SDK1: variants seen among roughly 807,000 people sequenced by gnomAD.
SDK1 encodes the protein protein sidekick-1.
In SDK1, 157 loss-of-function variants were observed where a neutral mutation model predicts 245.5. The observed-to-expected ratio is 0.64, with a 90% CI of 0.56 to 0.73. The LOEUF (loss-of-function observed/expected upper bound fraction) is 0.73, where lower values mean the gene tolerates loss of function less well. Among genes scored for constraint, SDK1 ranks in the 30% least tolerant of loss-of-function variants. SDK1 has a pLI of 0.00. For synonymous variants in SDK1, 1,647 were observed against 1,278.5 expected (o/e 1.29, Z -6.15); for missense variants, 3,583 against 3,002.3 (o/e 1.19, Z -4.52).
At chr7:3,570,515 C>T (rs1402759435) in intron 1 of SDK1, among the ~76,000 whole-genome samples, 2 of 152,146 alleles carry the variant, frequency 1.3e-5, no homozygotes, top group Non-Finnish European at 2.9e-5. Flanking sequence ...GGATCCCTTT[C>T]CCCCAACTCT....
At chr7:3,725,440 G>A (rs538748052) in intron 4 of SDK1, among the ~76,000 whole-genome samples, 1 of 151,962 alleles carries the variant, frequency 6.6e-6, no homozygotes. Flanking sequence ...GTGTAGGTTT[G>A]ATAAATTTCA....
chr7:4,101,208 G>C (rs1432372736), intron 22 of SDK1, among the ~76,000 whole-genome samples: 1 of 151,516 alleles, frequency 6.6e-6, no homozygotes, highest in Non-Finnish European at 1.5e-5. Flanking sequence ...GAGTGCAGTG[G>C]TGCGATCTCG....
At chr7:4,051,256 T>C (rs2128166605) in intron 18 of SDK1, among the ~76,000 whole-genome samples, 1 of 144,014 alleles carries the variant, frequency 6.9e-6, no homozygotes, top group South Asian at 2.1e-4. Context: ...AGGTTGTATA[T>C]AATATATATA....
At chr7:4,161,998 C>T (rs188321846) in intron 32 of SDK1, 142 bp downstream of exon 32, 111 of 642,502 alleles carry the variant, frequency 1.7e-4, no homozygotes, top group Non-Finnish European at 2.8e-4. Flanking sequence ...CACCCTCAGA[C>T]TCAAAAACGC....
chr7:3,803,366 A>C lies in SDK1; in HGVS notation c.714-18084A>C, dbSNP rs182769539. ...TACTCTATCACCTAGGCTGGAGTGC[A>C]GTGGTGTGATCTTGGCTCACTGCAA... is the stretch of plus-strand genomic sequence containing the variant. On this transcript the variant is annotated intron_variant, in intron 4 of 44. Coordinates refer to ENST00000404826, the MANE Select transcript of SDK1 (RefSeq NM_152744.4). Among the ~76,000 whole-genome samples, 420 of 149,592 alleles carry C rather than the reference A, an allele frequency of 2.8e-3. 2 individuals carry two copies. Among genetic ancestry groups the C allele is most frequent in the African/African-American group, 0.01 (406 of 40,440 alleles).
intron 4 of SDK1, among the ~76,000 whole-genome samples, chr7:3,667,733 C>T (rs1053434175): frequency 3.3e-5 from 5 of 152,164 alleles, no homozygotes; most frequent in African/African-American, 7.2e-5. Context: ...TTTCAGTTCT[C>T]GTAATGCATC....
intron 5 of SDK1, among the ~76,000 whole-genome samples, chr7:3,891,995 A>AG (rs1347623329): frequency 6.6e-6 from 1 of 152,126 alleles, no homozygotes; most frequent in African/African-American, 2.4e-5. Flanking sequence ...TTTGAAAACA[A>AG]GTTTAGTTAG....
At chr7:3,762,824 G>C (rs550352926) in intron 4 of SDK1, among the ~76,000 whole-genome samples, 1 of 152,324 alleles carries the variant, frequency 6.6e-6, no homozygotes, top group African/African-American at 2.4e-5. Context: ...TGTTTCCGTA[G>C]TATGACAGTA....
At chr7:3,611,374 C>G (rs1781581972) in intron 1 of SDK1, among the ~76,000 whole-genome samples, 1 of 152,178 alleles carries the variant, frequency 6.6e-6, no homozygotes, top group African/African-American at 2.4e-5. Flanking sequence ...TGCTCTTCCT[C>G]CTCTTGCACC....
intron 5 of SDK1, among the ~76,000 whole-genome samples, chr7:3,863,915 G>C (rs967870017): frequency 6.6e-6 from 1 of 152,076 alleles, no homozygotes; most frequent in South Asian, 2.1e-4. Flanking sequence ...ATACTTGTTC[G>C]AGTCTGCTTA....
chr7:3,560,438 A>T (rs933311142), intron 1 of SDK1, among the ~76,000 whole-genome samples: 4 of 152,046 alleles, frequency 2.6e-5, no homozygotes, highest in African/African-American at 9.7e-5. Context: ...TTTTTTTTTA[A>T]ACTTATATCC....
intron 4 of SDK1, among the ~76,000 whole-genome samples, chr7:3,772,992 A>G (rs1439046965): frequency 1.3e-5 from 2 of 152,214 alleles, no homozygotes; most frequent in Non-Finnish European, 2.9e-5. Flanking sequence ...GGCTGTGGGA[A>G]GTTTAATTAC....
chr7:3,359,699 G>A (rs1780901702), intron 1 of SDK1, among the ~76,000 whole-genome samples: 1 of 152,130 alleles, frequency 6.6e-6, no homozygotes, highest in Non-Finnish European at 1.5e-5. Flanking sequence ...GAGGATGCTC[G>A]AGCTGTATCA....
chr7:3,837,488 A>G (rs1316733147), intron 5 of SDK1, among the ~76,000 whole-genome samples: 3 of 152,184 alleles, frequency 2.0e-5, no homozygotes, highest in Non-Finnish European at 4.4e-5. Flanking sequence ...ATCTTAAGAT[A>G]TTGCATTTTG....
chr7:3,682,923 G>A lies in SDK1; in HGVS notation c.713+40818G>A, dbSNP rs556516807. Among the ~76,000 whole-genome samples the A allele has an allele frequency of 7.9e-5, 12 of 152,098 alleles. No individual in the cohort carries two copies. The South Asian group carries it at 1.0e-3, about 13-fold the overall frequency. On this transcript the variant is annotated intron_variant, in intron 4 of 44. Transcript: ENST00000404826. ...TAATTTTTGTACTTTTAGTAGAGACGGGGTTTCACCATGTTGTCCAGGCTG... is the reference window on the plus strand; with the variant it reads ...TAATTTTTGTACTTTTAGTAGAGACAGGGTTTCACCATGTTGTCCAGGCTG...
chr7:3,642,534 C>T (rs556033771), intron 4 of SDK1, among the ~76,000 whole-genome samples: 35 of 152,198 alleles, frequency 2.3e-4, no homozygotes, highest in South Asian at 1.2e-3. Flanking sequence ...CTTTCTCTGA[C>T]GATAAAACAG....
At chr7:3,576,229 C>G (rs1282487135) in intron 1 of SDK1, among the ~76,000 whole-genome samples, 3 of 152,140 alleles carry the variant, frequency 2.0e-5, no homozygotes, top group Admixed American at 1.3e-4. Context: ...TCAGACTTCT[C>G]TTTTATGCTC....
chr7:3,505,778 C>G (rs541253995), intron 1 of SDK1, among the ~76,000 whole-genome samples: 1 of 152,100 alleles, frequency 6.6e-6, no homozygotes, highest in South Asian at 2.1e-4. Flanking sequence ...GGAGAACTGA[C>G]CTTTTGAGTA....
At chr7:3,658,154 A>G (rs1009087523) in intron 4 of SDK1, among the ~76,000 whole-genome samples, 2 of 152,176 alleles carry the variant, frequency 1.3e-5, no homozygotes, top group Admixed American at 1.3e-4. Context: ...TTGGTGCGTG[A>G]TGATCACATC....
Sources: allele counts gnomAD v4.1 joint callset (sites outside exome capture counted in the v4.1 genomes callset), GRCh38; gene constraint gnomAD v4.1.1; transcripts MANE v1.5; gene names NCBI Gene and HGNC (gene_info 2026-07-23, HGNC 2026-07-21).